Variants in LRRIQ1 observed in about 807,000 individuals in gnomAD.
LRRIQ1 encodes the protein leucine rich repeats and IQ motif containing 1.
A neutral mutation model predicts 211.9 loss-of-function variants in LRRIQ1; 210 were observed. That is an observed-to-expected ratio of 0.99 (90% CI 0.89 to 1.11). The LOEUF (loss-of-function observed/expected upper bound fraction) is 1.11. Ranked by LOEUF, LRRIQ1 falls within the 50% of genes most tolerant of loss-of-function variation. The pLI is 0.00. For missense variants in LRRIQ1, 2,136 were observed against 1,939.5 expected (o/e 1.10, Z -1.90); for synonymous variants, 699 against 650.1 (o/e 1.08, Z -1.14).
At chr12:85,258,606 T>C (rs1410602711) in intron 1 of LRRIQ1, among the ~76,000 whole-genome samples, 1 of 151,958 alleles carries the variant, frequency 6.6e-6, no homozygotes, top group African/African-American at 2.4e-5. Context: ...TATTTGAATA[T>C]TGTAATATCT....
rs1305320715 is a variant in LRRIQ1, at chr12:85,098,345, T to C, written c.2888-10T>C. 1 of 1,576,310 alleles carries C rather than the reference T, an allele frequency of 6.3e-7. No homozygotes were observed. Among genetic ancestry groups the C allele is most frequent in the East Asian group, 2.3e-5 (1 of 44,312 alleles). On this transcript the variant is annotated splice_polypyrimidine_tract_variant and intron_variant, in intron 11 of 26. Coordinates refer to ENST00000393217, the MANE Select transcript of LRRIQ1 (RefSeq NM_001079910.2). Reference sequence around the variant, plus strand: ...ATGACACAGGTGATCTTATAACTTTTTTCTTCTAGGTGGTTTAGAATCTTT... The same window carrying C: ...ATGACACAGGTGATCTTATAACTTTCTTCTTCTAGGTGGTTTAGAATCTTT...
Position 85,236,837 on chromosome 12 carries a change from A to ATATATATC in LRRIQ1, c.5016+4088_5016+4089insCTATATAT, listed in dbSNP as rs1470265557. ...TATGTATGTGTATGTGTGCATATAT[A>ATATATATC]TATATATATATATATATATCTCCCA... On this transcript the variant is annotated intron_variant, in intron 26 of 26. Coordinates refer to ENST00000393217, the MANE Select transcript of LRRIQ1 (RefSeq NM_001079910.2). Among the ~76,000 whole-genome samples, 2 of 140,816 alleles carry ATATATATC rather than the reference A, an allele frequency of 1.4e-5. 1 individual carries two copies. Among genetic ancestry groups the ATATATATC allele is most frequent in the East Asian group, 4.0e-4 (2 of 4,982 alleles). 92.4% of individuals were successfully genotyped at this position (140,816 alleles called of 152,430 possible).
At chr12:85,210,105 T>G (rs1182652999) in intron 24 of LRRIQ1, among the ~76,000 whole-genome samples, 1 of 152,232 alleles carries the variant, frequency 6.6e-6, no homozygotes, top group Non-Finnish European at 1.5e-5. Context: ...TTTTCATATT[T>G]GTTCCCAGAG....
At chr12:85,122,867 T>A (rs1286511183) in intron 16 of LRRIQ1, among the ~76,000 whole-genome samples, 3 of 152,068 alleles carry the variant, frequency 2.0e-5, no homozygotes, top group African/African-American at 7.2e-5. Context: ...TACAATTTTG[T>A]ATGTAAAGGT....
intron 24 of LRRIQ1, among the ~76,000 whole-genome samples, chr12:85,209,460 G>A (rs1893730776): frequency 6.6e-6 from 1 of 152,134 alleles, no homozygotes; most frequent in Admixed American, 6.5e-5. Context: ...ACCATATGTG[G>A]GGATTATGGG....
chr12:85,108,186 T>C (rs1399371799), intron 15 of LRRIQ1, among the ~76,000 whole-genome samples: 1 of 152,226 alleles, frequency 6.6e-6, no homozygotes, highest in Non-Finnish European at 1.5e-5. Flanking sequence ...GTGCAGTGGC[T>C]AAGTTACTTG....
Position 85,154,095 on chromosome 12 carries a change from G to A in LRRIQ1, c.4720+1G>A, listed in dbSNP as rs1030742641. The A allele has an allele frequency of 6.5e-7, 1 of 1,536,024 alleles. No individual in the cohort carries two copies. Among genetic ancestry groups the A allele is most frequent in the Non-Finnish European group, 8.8e-7 (1 of 1,132,254 alleles). On this transcript the variant is annotated splice_donor_variant, in intron 23 of 26. Coordinates refer to ENST00000393217, the MANE Select transcript of LRRIQ1 (RefSeq NM_001079910.2). LOFTEE classifies it high-confidence loss of function. ...TCGAAGAAACTAAAGAAAAAAATAGGTGAGTAATTAGTGCTCTTTGAATAA... is the reference window on the plus strand; with the variant it reads ...TCGAAGAAACTAAAGAAAAAAATAGATGAGTAATTAGTGCTCTTTGAATAA...
intron 1 of LRRIQ1, among the ~76,000 whole-genome samples, chr12:85,259,122 C>T (rs1475440876): frequency 1.3e-5 from 2 of 151,940 alleles, no homozygotes; most frequent in Non-Finnish European, 2.9e-5. Context: ...CTTGTATAAG[C>T]AATTGATGAG....
intron 24 of LRRIQ1, among the ~76,000 whole-genome samples, chr12:85,183,568 A>G (rs1401957952): frequency 6.6e-6 from 1 of 152,134 alleles, no homozygotes; most frequent in Non-Finnish European, 1.5e-5. Flanking sequence ...ATAAAAATAT[A>G]AAAAGAAAAT....
the LRRIQ1 span, among the ~76,000 whole-genome samples, chr12:85,270,962 G>A: frequency 6.6e-6 from 1 of 152,136 alleles, no homozygotes; most frequent in African/African-American, 2.4e-5. Context: ...TGTGTAACCA[G>A]TTAGCCAAAC....
chr12:85,157,192 C>CT (rs1202003740), intron 23 of LRRIQ1, among the ~76,000 whole-genome samples: 1 of 151,678 alleles, frequency 6.6e-6, no homozygotes, highest in Non-Finnish European at 1.5e-5. Context: ...AGGCAACAAA[C>CT]TGAGCGAGGA....
intron 24 of LRRIQ1, among the ~76,000 whole-genome samples, chr12:85,197,890 TAAA>T (rs1305890578): frequency 1.6e-5 from 2 of 126,064 alleles, no homozygotes; most frequent in African/African-American, 6.0e-5. Context: ...TAAAACATAA[TAAA>T]AATATAATAA....
rs1565872215 is a variant in LRRIQ1, at chr12:85,153,056, A to T, written c.4452A>T (p.Ser1484=). 1.3e-6 allele frequency: 2 copies of T among 1,582,200 alleles called. No homozygotes were observed. Among genetic ancestry groups the T allele is most frequent in the East Asian group, 2.3e-5 (1 of 43,998 alleles). The change falls in exon 21 of 27, where the codon TCA becomes TCT. Residue 1484 remains serine, a synonymous_variant. Coordinates refer to ENST00000393217, the MANE Select transcript of LRRIQ1 (RefSeq NM_001079910.2). ...GAAACTTAAAATGGGATGATACTTC[A>T]TTTAATTTACCAAGTAATCCAGCTC... The part of the protein sequence containing the change: ...IPGNLKWDDT[S]FNLPSNPAQA...
chr12:85,079,991 G>A (rs1314356163), intron 11 of LRRIQ1, among the ~76,000 whole-genome samples: 1 of 151,748 alleles, frequency 6.6e-6, no homozygotes, highest in African/African-American at 2.4e-5. Flanking sequence ...ATATCTATTA[G>A]TATTTCCTTT....
At chr12:85,190,266 T>C (rs1460414695) in intron 24 of LRRIQ1, among the ~76,000 whole-genome samples, 1 of 145,082 alleles carries the variant, frequency 6.9e-6, no homozygotes, top group African/African-American at 2.5e-5. Context: ...TAACTGTAAC[T>C]ACACAGTTAA....
chr12:85,247,373 G>A (rs1230795656), downstream of LRRIQ1, among the ~76,000 whole-genome samples: 1 of 151,570 alleles, frequency 6.6e-6, no homozygotes, highest in African/African-American at 2.4e-5. Flanking sequence ...GCCAAATCTA[G>A]AGAGTACTTT....
intron 24 of LRRIQ1, among the ~76,000 whole-genome samples, chr12:85,202,529 TA>T (rs1213358969): frequency 1.3e-5 from 2 of 152,218 alleles, no homozygotes; most frequent in Non-Finnish European, 2.9e-5. Flanking sequence ...CCTGTGCTAT[TA>T]TGTAATGGCC....
intron 15 of LRRIQ1, among the ~76,000 whole-genome samples, chr12:85,118,229 T>C (rs531357682): frequency 2.6e-4 from 39 of 152,292 alleles, no homozygotes; most frequent in African/African-American, 9.1e-4. Flanking sequence ...TTGGTAAACA[T>C]TGGTAGCTTC....
chr12:85,177,114 T>A (rs1249714821), intron 24 of LRRIQ1, among the ~76,000 whole-genome samples: 1 of 152,130 alleles, frequency 6.6e-6, no homozygotes, highest in Non-Finnish European at 1.5e-5. Flanking sequence ...ACTGGGTAAA[T>A]TGAATAAAAA....
Sources: allele counts gnomAD v4.1 joint callset (sites outside exome capture counted in the v4.1 genomes callset), GRCh38; gene constraint gnomAD v4.1.1; transcripts MANE v1.5; gene names NCBI Gene and HGNC (gene_info 2026-07-23, HGNC 2026-07-21).